CSMD1: variants seen among roughly 807,000 people sequenced by gnomAD.
CSMD1 encodes CUB and Sushi multiple domains 1, also known as CUB and sushi domain-containing protein 1.
CSMD1 carries 213 observed loss-of-function variants against 417.5 expected under a neutral mutation model. The ratio of observed to expected loss-of-function variants is 0.51; its 90% CI spans 0.46 to 0.57. The LOEUF (loss-of-function observed/expected upper bound fraction) is 0.57, where lower values mean the gene tolerates loss of function less well. Among genes scored for constraint, CSMD1 ranks in the 20% least tolerant of loss-of-function variants. CSMD1 has a pLI of 0.00. For synonymous variants in CSMD1, 2,862 were observed against 1,736.8 expected, an observed-to-expected ratio of 1.65 and a Z score of -16.11; for missense variants, 6,923 against 4,529.7, an observed-to-expected ratio of 1.53 and a Z score of -15.17.
chr8:3,362,116 G>C (rs549525385), intron 20 of CSMD1, among the ~76,000 whole-genome samples: 3 of 151,810 alleles, frequency 2.0e-5, no homozygotes, highest in Admixed American at 1.3e-4. Context: ...AAAAATATGC[G>C]TTACACGGTC....
intron 1 of CSMD1, among the ~76,000 whole-genome samples, chr8:4,843,193 T>C (rs1168822383): frequency 6.6e-6 from 1 of 152,118 alleles, no homozygotes; most frequent in Non-Finnish European, 1.5e-5. Context: ...AACCACTACA[T>C]TGATTATAGA....
intron 1 of CSMD1, among the ~76,000 whole-genome samples, chr8:4,870,124 T>C (rs1024179876): frequency 6.6e-6 from 1 of 152,128 alleles, no homozygotes; most frequent in African/African-American, 2.4e-5. Flanking sequence ...TTATATTCAG[T>C]TAATCTAATT....
intron 2 of CSMD1, among the ~76,000 whole-genome samples, chr8:4,585,315 A>G (rs1372174958): frequency 1.3e-5 from 2 of 152,224 alleles, no homozygotes; most frequent in African/African-American, 2.4e-5. Context: ...TAAGCTAATT[A>G]ATAGCAGATT....
chr8:3,417,279 T>C (rs908909608), intron 12 of CSMD1, among the ~76,000 whole-genome samples: 3 of 152,216 alleles, frequency 2.0e-5, no homozygotes, highest in African/African-American at 4.8e-5. Flanking sequence ...GCAATTAATA[T>C]TCTGCAGAAA....
At chr8:4,311,140 C>A (rs530387118) in intron 3 of CSMD1, among the ~76,000 whole-genome samples, 1 of 152,148 alleles carries the variant, frequency 6.6e-6, no homozygotes, top group African/African-American at 2.4e-5. Flanking sequence ...CCAGCAATAC[C>A]GTGACTGGCT....
chr8:4,826,073 T>C (rs969212441), intron 1 of CSMD1, among the ~76,000 whole-genome samples: 2 of 152,162 alleles, frequency 1.3e-5, no homozygotes, highest in African/African-American at 4.8e-5. Context: ...GAAAACAATA[T>C]GGAGTTTCCT....
intron 7 of CSMD1, among the ~76,000 whole-genome samples, chr8:3,703,699 C>T (rs769174657): frequency 4.6e-4 from 70 of 152,164 alleles, no homozygotes; most frequent in Non-Finnish European, 1.0e-4. Flanking sequence ...GACTTCCAAA[C>T]ACAGGCACTT....
chr8:4,088,954 C>G (rs535582754), intron 3 of CSMD1, among the ~76,000 whole-genome samples: 1 of 152,154 alleles, frequency 6.6e-6, no homozygotes, highest in Admixed American at 6.5e-5. Context: ...CTGAATTCCA[C>G]GAAGGGTCAC....
intron 2 of CSMD1, among the ~76,000 whole-genome samples, chr8:4,457,981 G>A (rs1395333078): frequency 1.3e-5 from 2 of 152,122 alleles, no homozygotes; most frequent in African/African-American, 2.4e-5. Flanking sequence ...TTTGGTTGGT[G>A]GCACTTCCCC....
At chr8:3,597,895 T>A (rs1801169552) in intron 8 of CSMD1, among the ~76,000 whole-genome samples, 1 of 152,052 alleles carries the variant, frequency 6.6e-6, no homozygotes, top group South Asian at 2.1e-4. Context: ...AAATGATGAG[T>A]TGATGGGTGC....
At chr8:4,686,147 C>T (rs77979097) in intron 1 of CSMD1, among the ~76,000 whole-genome samples, 10,704 of 152,226 alleles carry the variant, frequency 0.07, 491 homozygotes, top group African/African-American at 0.13. Flanking sequence ...TGTGCTATTC[C>T]CTACACTCAA....
chr8:4,541,698 G>A (rs1348351490), intron 2 of CSMD1, among the ~76,000 whole-genome samples: 1 of 152,024 alleles, frequency 6.6e-6, no homozygotes, highest in African/African-American at 2.4e-5. Flanking sequence ...TCTTACCACT[G>A]CATTCCAGCC....
At chr8:4,225,325 G>A in intron 3 of CSMD1, among the ~76,000 whole-genome samples, 1 of 151,990 alleles carries the variant, frequency 6.6e-6, no homozygotes, top group South Asian at 2.1e-4. Context: ...ATCGAGACTT[G>A]ATGTTATTTT....
intron 5 of CSMD1, among the ~76,000 whole-genome samples, chr8:3,875,093 A>G (rs886331280): frequency 2.1e-4 from 32 of 151,294 alleles, no homozygotes; most frequent in African/African-American, 6.1e-4. Context: ...CCTGGGGACC[A>G]GATCCTAGAG....
At chr8:3,981,394 G>A (rs369967339) in intron 5 of CSMD1, among the ~76,000 whole-genome samples, 16 of 149,530 alleles carry the variant, frequency 1.1e-4, no homozygotes, top group East Asian at 6.0e-4. Flanking sequence ...ATGGTGCAGT[G>A]TATACTGCTT....
In CSMD1 at chr8:3,205,492, G is replaced by A. The variant is rs772854987; in HGVS notation, c.4984+12C>T. The A allele has an allele frequency of 1.6e-5, 21 of 1,273,164 alleles. No homozygotes were observed. The highest frequency in any genetic ancestry group is 1.9e-4 in the Middle Eastern group (1 of 5,340). The allele number at this position is 1,273,164 out of a possible 1,614,324, so 78.9% of individuals were successfully genotyped here. A position where few individuals can be genotyped will look rare whatever the true frequency, so the allele number is the denominator to read the frequency against. The stretch of plus-strand genomic sequence containing the variant: ...ATATGACAATGAATTAAAAATACAA[G>A]GACATCCTTACCGAATTCCTTTGGT... On this transcript the variant is annotated intron_variant, in intron 31 of 69. Coordinates refer to ENST00000635120, the MANE Select transcript of CSMD1 (RefSeq NM_033225.6).
At chr8:4,379,405 C>A (rs1248087453) in intron 3 of CSMD1, among the ~76,000 whole-genome samples, 9 of 152,142 alleles carry the variant, frequency 5.9e-5, no homozygotes, top group Non-Finnish European at 1.5e-5. Context: ...GTGACAGTGG[C>A]AAACCTGGTG....
chr8:2,945,744 T>C (rs613224), intron 68 of CSMD1, among the ~76,000 whole-genome samples: 12,872 of 152,108 alleles, frequency 0.085, 1,387 homozygotes, highest in African/African-American at 0.25. Flanking sequence ...CCTCTCTCAT[T>C]GCCCTCCTTC....
chr8:3,913,718 G>A (rs548697768), intron 5 of CSMD1, among the ~76,000 whole-genome samples: 2 of 152,074 alleles, frequency 1.3e-5, no homozygotes, highest in Non-Finnish European at 2.9e-5. Context: ...AAGCATGCAG[G>A]GAAGGCAGGA....
Sources: allele counts gnomAD v4.1 joint callset (sites outside exome capture counted in the v4.1 genomes callset), GRCh38; gene constraint gnomAD v4.1.1; transcripts MANE v1.5; gene names NCBI Gene and HGNC (gene_info 2026-07-23, HGNC 2026-07-21).